The following TYW1B variants were observed in gnomAD, a reference collection of about 807,000 sequenced individuals.
TYW1B encodes tRNA-yW synthesizing protein 1 homolog B, also known as S-adenosyl-L-methionine-dependent tRNA 4-demethylwyosine synthase TYW1B.
In TYW1B, 73 loss-of-function variants were observed where a neutral mutation model predicts 86.9. That is an observed-to-expected ratio of 0.84 (90% CI 0.70 to 1.02). TYW1B has a LOEUF of 1.02. Among genes scored for constraint, TYW1B ranks in the 50% least tolerant of loss-of-function variants. The pLI, the probability that TYW1B is intolerant of heterozygous loss-of-function variation, is 0.00. For synonymous variants in TYW1B, 248 were observed against 292.8 expected, an observed-to-expected ratio of 0.85 and a Z score of 1.56; for missense variants, 637 against 827.4, an observed-to-expected ratio of 0.77 and a Z score of 2.82.
intron 7 of TYW1B, among the ~76,000 whole-genome samples, chr7:72,754,635 A>G (rs1435665011): frequency 6.6e-6 from 1 of 151,552 alleles, no homozygotes; most frequent in Non-Finnish European, 1.5e-5. Flanking sequence ...ATGGGGTTTC[A>G]TCATGTTTGC....
chr7:72,623,775 G>T (rs1457184490), intron 12 of TYW1B, among the ~76,000 whole-genome samples: 1 of 152,014 alleles, frequency 6.6e-6, no homozygotes, highest in Non-Finnish European at 1.5e-5. Context: ...TTTATGGAGA[G>T]GTCTTATTAT....
intron 11 of TYW1B, among the ~76,000 whole-genome samples, chr7:72,655,274 C>T (rs1383540505): frequency 1.3e-5 from 2 of 152,146 alleles, no homozygotes; most frequent in Admixed American, 1.3e-4. Flanking sequence ...CAACCCTACC[C>T]CCAGAAGAGT....
rs113750432 is a variant in TYW1B at position 72,818,304 on chromosome 7, G to A, written c.136-2823C>T. On this transcript the variant is annotated intron_variant, in intron 2 of 13. Transcript: ENST00000620995. ...CATTGCTATTAAAAAATACCCGGCC[G>A]GGCATGGTGGCTCATGCCTGTAATC... Among the ~76,000 whole-genome samples the A allele has an allele frequency of 1.8e-4, 28 of 151,836 alleles. 2 individuals carry two copies. Among genetic ancestry groups the A allele is most frequent in the African/African-American group, 6.0e-4 (25 of 41,432 alleles).
At chr7:72,751,041 C>CTT (rs376564412) in intron 7 of TYW1B, among the ~76,000 whole-genome samples, 1 of 146,508 alleles carries the variant, frequency 6.8e-6, no homozygotes. Flanking sequence ...GGTAAATTCC[C>CTT]TTTTTTTTTT....
chr7:72,644,527 G>A (rs546610483), intron 11 of TYW1B, among the ~76,000 whole-genome samples: 25 of 152,132 alleles, frequency 1.6e-4, no homozygotes, highest in South Asian at 1.0e-3. Flanking sequence ...CAGCCCGGGC[G>A]ACAGAGTGAG....
chr7:72,622,811 C>T (rs1812256534), intron 12 of TYW1B, among the ~76,000 whole-genome samples: 1 of 152,044 alleles, frequency 6.6e-6, no homozygotes, highest in Non-Finnish European at 1.5e-5. Context: ...ACACAACACA[C>T]ATGCACACAC....
rs544551682 is a variant in TYW1B at position 72,656,558 on chromosome 7, AGATC to A, written c.1507-27565_1507-27562del. Among the ~76,000 whole-genome samples the A allele has an allele frequency of 2.6e-4, 40 of 152,098 alleles. 1 individual carries two copies. The South Asian group carries it at 8.3e-3, about 32-fold the overall frequency. ...GGGAGGTGGAGTTTGCAGTGAGCTGAGATCGAGATCGCGCCACTGCACTCCAGCC... is the reference window on the plus strand; with the variant it reads ...GGGAGGTGGAGTTTGCAGTGAGCTGAGAGATCGCGCCACTGCACTCCAGCC... On this transcript the variant is annotated intron_variant, in intron 11 of 13. Transcript: ENST00000620995.
chr7:72,675,020 G>A (rs1345852401), intron 11 of TYW1B, among the ~76,000 whole-genome samples: 1 of 152,124 alleles, frequency 6.6e-6, no homozygotes, highest in Non-Finnish European at 1.5e-5. Flanking sequence ...ATAACTTTTA[G>A]TTCTAGCATC....
intron 6 of TYW1B, among the ~76,000 whole-genome samples, chr7:72,791,548 T>C (rs1481194617): frequency 6.6e-6 from 1 of 150,554 alleles, no homozygotes; most frequent in African/African-American, 2.5e-5. Flanking sequence ...GAGGCCAAGG[T>C]GGGCGGATCA....
intron 13 of TYW1B, among the ~76,000 whole-genome samples, chr7:72,580,433 G>A (rs1811126892): frequency 6.6e-6 from 1 of 152,162 alleles, no homozygotes; most frequent in South Asian, 2.1e-4. Context: ...AACAGTAAGG[G>A]AAGAACGGAA....
At chr7:72,763,406 C>T (rs1585965512) in intron 7 of TYW1B, among the ~76,000 whole-genome samples, 1 of 151,374 alleles carries the variant, frequency 6.6e-6, no homozygotes, top group Non-Finnish European at 1.5e-5. Flanking sequence ...CCTCAGCCTC[C>T]TGAGTAGCTG....
At chr7:72,606,562 C>CT (rs1197756969) in intron 13 of TYW1B, among the ~76,000 whole-genome samples, 1 of 151,672 alleles carries the variant, frequency 6.6e-6, no homozygotes. Context: ...TCAGAAGAAG[C>CT]TTAGTGGAGA....
chr7:72,632,333 ACACG>A (rs1812524501), intron 11 of TYW1B, among the ~76,000 whole-genome samples: 5 of 110,246 alleles, frequency 4.5e-5, no homozygotes, highest in African/African-American at 1.2e-4. Flanking sequence ...ATATATATAT[ACACG>A]TATATATATT....
At chr7:72,577,795 C>T (rs1230625838) in intron 13 of TYW1B, among the ~76,000 whole-genome samples, 1 of 152,216 alleles carries the variant, frequency 6.6e-6, no homozygotes, top group African/African-American at 2.4e-5. Context: ...ATCTGCATCT[C>T]TTGGTGAGCT....
intron 7 of TYW1B, among the ~76,000 whole-genome samples, chr7:72,770,659 C>G (rs1479859519): frequency 2.0e-5 from 3 of 152,078 alleles, no homozygotes; most frequent in African/African-American, 7.2e-5. Flanking sequence ...TTAACAATTG[C>G]ACTTCTAGGC....
intron 7 of TYW1B, among the ~76,000 whole-genome samples, chr7:72,759,069 G>A (rs1554466742): frequency 1.3e-5 from 2 of 152,330 alleles, no homozygotes; most frequent in East Asian, 1.9e-4. Flanking sequence ...GGTAGCTTAT[G>A]CCTGTAATCC....
chr7:72,575,618 T>C lies in TYW1B; in HGVS notation c.1887A>G (p.Ala629=), dbSNP rs1554428303. Residue 629 remains alanine, a synonymous_variant, in exon 14 of 14, where the codon GCA becomes GCG. Coordinates refer to ENST00000620995, the MANE Select transcript of TYW1B (RefSeq NM_001145440.3). ...GAGGAGTTCTGGCCATATAATCCTT[T>C]GCGCTGAACGTTTTTGATCCACCAC... is the stretch of plus-strand genomic sequence containing the variant. The part of the protein sequence containing the change: ...EDSGGSKTFS[A]KDYMARTPHW... 2 of 1,613,888 alleles carry C rather than the reference T, an allele frequency of 1.2e-6. No homozygotes were observed. Among genetic ancestry groups the C allele is most frequent in the East Asian group, 2.2e-5 (1 of 44,872 alleles).
intron 8 of TYW1B, among the ~76,000 whole-genome samples, chr7:72,741,993 CT>C (rs1436686626): frequency 6.6e-6 from 1 of 152,090 alleles, no homozygotes; most frequent in Non-Finnish European, 1.5e-5. Flanking sequence ...AAAGGGAGTC[CT>C]TCAGACAAAA....
intron 5 of TYW1B, among the ~76,000 whole-genome samples, chr7:72,803,609 GA>G (rs1466066314): frequency 6.6e-6 from 1 of 152,036 alleles, no homozygotes; most frequent in East Asian, 1.9e-4. Context: ...ACGTTAGAGA[GA>G]TTTTTTTGTT....
Sources: gnomAD v4.1 joint callset for allele counts (sites outside exome capture counted in the v4.1 genomes callset) on GRCh38, gnomAD v4.1.1 for gene constraint, MANE v1.5 for transcripts, NCBI Gene and HGNC (gene_info 2026-07-23, HGNC 2026-07-21) for gene names.